KDM1B: variants seen among roughly 807,000 people sequenced by gnomAD.
KDM1B encodes the protein lysine demethylase 1B.
A neutral mutation model predicts 107.4 loss-of-function variants in KDM1B; 63 were observed. The observed-to-expected ratio is 0.59, with a 90% CI of 0.48 to 0.72. KDM1B has a LOEUF of 0.72. Among genes scored for constraint, KDM1B ranks in the 30% least tolerant of loss-of-function variants. The pLI, the probability that KDM1B is intolerant of heterozygous loss-of-function variation, is 0.00. For missense variants in KDM1B, 749 were observed against 1,020.8 expected, an observed-to-expected ratio of 0.73 and a Z score of 3.63; for synonymous variants, 363 against 363.9, an observed-to-expected ratio of 1.00 and a Z score of 0.03.
chr6:18,216,256 T>C (rs899797045), intron 20 of KDM1B, among the ~76,000 whole-genome samples: 1 of 152,090 alleles, frequency 6.6e-6, no homozygotes, highest in Admixed American at 6.5e-5. Flanking sequence ...AATTTTTGTA[T>C]TTTTGGTAGA....
intron 17 of KDM1B, among the ~76,000 whole-genome samples, chr6:18,210,342 C>CTTTTTTTTTTTTTCTTTTTTTTTTTTTT (rs1788743989): frequency 1.4e-5 from 1 of 69,990 alleles, no homozygotes; most frequent in African/African-American, 5.3e-5. Flanking sequence ...TCTTTCTTTT[C>CTTTTTTTTTTTTTCTTTTTTTTTTTTTT]TTTTTTTTTT....
chr6:18,181,719 C>G (rs1234841737), intron 7 of KDM1B, among the ~76,000 whole-genome samples: 1 of 152,046 alleles, frequency 6.6e-6, no homozygotes, highest in Non-Finnish European at 1.5e-5. Flanking sequence ...GCACTCCAGC[C>G]TAAGTGACAC....
chr6:18,220,579 G>C (rs765624017), intron 21 of KDM1B, among the ~76,000 whole-genome samples: 1 of 152,078 alleles, frequency 6.6e-6, no homozygotes, highest in Non-Finnish European at 1.5e-5. Flanking sequence ...CTAAAAACCA[G>C]ATGACTTTGA....
chr6:18,216,770 A>C (rs960447440), intron 20 of KDM1B, among the ~76,000 whole-genome samples: 2 of 152,116 alleles, frequency 1.3e-5, no homozygotes, highest in Non-Finnish European at 2.9e-5. Flanking sequence ...CATACCTTTT[A>C]TTTCAGTATA....
chr6:18,204,388 T>C lies in KDM1B; in HGVS notation c.1532-1149T>C, dbSNP rs1056398221. The stretch of plus-strand genomic sequence containing the variant: ...AGTCCCAGCTACTTGGGAGGCCGAT[T>C]GCTGGAGCCCCGGAAGTTGAGGCTG... On this transcript the variant is annotated intron_variant, in intron 14 of 21. Coordinates refer to ENST00000650836, the MANE Select transcript of KDM1B (RefSeq NM_001364614.2). This position sits in a 1 kb window ranked among gnomAD's most constrained non-coding sequence, Gnocchi z 4.9. Among the ~76,000 whole-genome samples, 1 of 152,016 alleles carries C rather than the reference T, an allele frequency of 6.6e-6. No individual in the cohort carries two copies. Among genetic ancestry groups the C allele is most frequent in the South Asian group, 2.1e-4 (1 of 4,828 alleles).
chr6:18,212,449 G>A lies in KDM1B; in HGVS notation c.1867-39G>A. On this transcript the variant is annotated intron_variant, in intron 17 of 21. Coordinates refer to ENST00000650836, the MANE Select transcript of KDM1B (RefSeq NM_001364614.2). The surrounding 1 kb of genome is among the most constrained non-coding windows in gnomAD (Gnocchi z 5.2). ...CAGTGTAGTGGTAGTGTGAGGTTCTGTTGCTGTTTGTTTGTTAACTGTTAA... is the reference window on the plus strand; with the variant it reads ...CAGTGTAGTGGTAGTGTGAGGTTCTATTGCTGTTTGTTTGTTAACTGTTAA... 1 of 1,196,064 alleles carries A rather than the reference G, an allele frequency of 8.4e-7. No individual in the cohort carries two copies. Among genetic ancestry groups the A allele is most frequent in the Non-Finnish European group, 1.3e-6 (1 of 798,508 alleles). 74.1% of individuals were successfully genotyped at this position (1,196,064 alleles called of 1,614,324 possible).
rs540196707 is a variant in KDM1B, at chr6:18,209,450, C to T, written c.1866+1244C>T. 6.6e-5 allele frequency among the ~76,000 whole-genome samples: 10 copies of T among 152,212 alleles called. No homozygotes were observed. The highest frequency in any genetic ancestry group is 2.1e-4 in the South Asian group (1 of 4,822). ...AGACAGGTCTAGGGAATGAGTTAGTCGGGGCAGGGGATCCTAACATTATTC... is the reference window on the plus strand; with the variant it reads ...AGACAGGTCTAGGGAATGAGTTAGTTGGGGCAGGGGATCCTAACATTATTC... On this transcript the variant is annotated intron_variant, in intron 17 of 21. Transcript: ENST00000650836. The surrounding 1 kb of genome is among the most constrained non-coding windows in gnomAD (Gnocchi z 4.3).
At chr6:18,179,403 CTG>C (rs1406196942) in intron 7 of KDM1B, among the ~76,000 whole-genome samples, 2 of 152,146 alleles carry the variant, frequency 1.3e-5, no homozygotes, top group African/African-American at 4.8e-5. Flanking sequence ...TATGCTGGCT[CTG>C]TGAAACGAGC....
chr6:18,184,306 G>A (rs1272358927), intron 7 of KDM1B, among the ~76,000 whole-genome samples: 21 of 128,450 alleles, frequency 1.6e-4, no homozygotes, highest in Admixed American at 1.1e-3. Flanking sequence ...ACGGAGTGTC[G>A]CTTTGTCGCC....
At chr6:18,219,469 C>T (rs1325410822) in intron 21 of KDM1B, among the ~76,000 whole-genome samples, 2 of 152,170 alleles carry the variant, frequency 1.3e-5, no homozygotes, top group Non-Finnish European at 2.9e-5. Context: ...ATTTTAAAAT[C>T]GTCCAACTCT....
At chr6:18,175,403 G>A (rs1785928387) in intron 7 of KDM1B, among the ~76,000 whole-genome samples, 1 of 152,092 alleles carries the variant, frequency 6.6e-6, no homozygotes, top group African/African-American at 2.4e-5. Flanking sequence ...AGATGTATAG[G>A]TTGTGAAGAT....
chr6:18,173,909 C>T (rs571278544), intron 7 of KDM1B, among the ~76,000 whole-genome samples: 279 of 152,262 alleles, frequency 1.8e-3, no homozygotes, highest in Admixed American at 3.3e-3. Context: ...CCTCAGCCTC[C>T]CAAGTAGCTG....
At chr6:18,179,399 G>A (rs1786277394) in intron 7 of KDM1B, among the ~76,000 whole-genome samples, 1 of 152,006 alleles carries the variant, frequency 6.6e-6, no homozygotes, top group East Asian at 1.9e-4. Context: ...GAGTTATGCT[G>A]GCTCTGTGAA....
At chr6:18,196,288 A>G (rs79242901) in intron 10 of KDM1B, among the ~76,000 whole-genome samples, 1 of 152,314 alleles carries the variant, frequency 6.6e-6, no homozygotes, top group African/African-American at 2.4e-5. Flanking sequence ...TGCAATGAAC[A>G]TGGGAGTGCA....
chr6:18,217,818 G>A lies in KDM1B; in HGVS notation c.2318G>A (p.Gly773Asp). 1 of 1,614,058 alleles carries A rather than the reference G, an allele frequency of 6.2e-7. No individual in the cohort carries two copies. Among genetic ancestry groups the A allele is most frequent in the Non-Finnish European group, 8.5e-7 (1 of 1,179,970 alleles). Residue 773 changes from glycine to aspartate, a missense_variant, in exon 21 of 22, where the codon GGT becomes GAT. By Grantham distance (94) the Gly-to-Asp change is moderately conservative. Coordinates refer to ENST00000650836, the MANE Select transcript of KDM1B (RefSeq NM_001364614.2). ...IQMAYSFVKT[G>D]GSGEAYDIIA... ...ATGGCATACAGTTTTGTGAAGACAGGTGGAAGTGGGGAGGCCTACGATATC... is the reference window on the plus strand; with the variant it reads ...ATGGCATACAGTTTTGTGAAGACAGATGGAAGTGGGGAGGCCTACGATATC...
chr6:18,195,077 CATA>C (rs1296700147), intron 10 of KDM1B, among the ~76,000 whole-genome samples: 4 of 152,170 alleles, frequency 2.6e-5, no homozygotes, highest in Non-Finnish European at 5.9e-5. Flanking sequence ...TTTTGCTTGG[CATA>C]ATGTTTTCAA....
rs987630408 is a variant in KDM1B, at chr6:18,191,066, A to G, written c.785-131A>G. ...ACGTTTTGTCTAACTGGGTGGAGGA[A>G]GCAAAGGTATTTATGTAGGGTAGAG... is the stretch of plus-strand genomic sequence containing the variant. On this transcript the variant is annotated intron_variant, in intron 9 of 21. Transcript: ENST00000650836. The surrounding 1 kb of genome is among the most constrained non-coding windows in gnomAD (Gnocchi z 5.1). 6.4e-6 allele frequency: 4 copies of G among 626,182 alleles called. No individual in the cohort carries two copies. Among genetic ancestry groups the G allele is most frequent in the African/African-American group, 1.8e-5 (1 of 54,448 alleles). 38.8% of individuals were successfully genotyped at this position (626,182 alleles called of 1,614,324 possible). A position where few individuals can be genotyped will look rare whatever the true frequency, so the allele number is the denominator to read the frequency against.
chr6:18,170,101 G>A (rs111806319), intron 6 of KDM1B, among the ~76,000 whole-genome samples: 273 of 151,962 alleles, frequency 1.8e-3, no homozygotes, highest in African/African-American at 6.4e-3. Context: ...AGTAGAGATG[G>A]GGTTTCACCA....
At chr6:18,184,699 ACT>A (rs1786719779) in intron 7 of KDM1B, among the ~76,000 whole-genome samples, 1 of 122,674 alleles carries the variant, frequency 8.2e-6, no homozygotes, top group Non-Finnish European at 1.7e-5. Flanking sequence ...TGTCCATTGT[ACT>A]GTTGATGACC....
Sources: gnomAD v4.1 joint callset for allele counts (sites outside exome capture counted in the v4.1 genomes callset) on GRCh38, gnomAD v4.1.1 for gene constraint, Gnocchi (gnomAD v3.1) non-coding constraint, MANE v1.5 for transcripts, NCBI Gene and HGNC (gene_info 2026-07-23, HGNC 2026-07-21) for gene names.